SYNJ1: variants seen among roughly 807,000 people sequenced by gnomAD.
The protein encoded by SYNJ1 is polyphosphatidylinositol phosphatase SYNJ1.
A neutral mutation model predicts 168.2 loss-of-function variants in SYNJ1; 78 were observed. The observed-to-expected ratio is 0.46, with a 90% confidence interval of 0.39 to 0.56. The LOEUF (loss-of-function observed/expected upper bound fraction) is 0.56. Among genes scored for constraint, SYNJ1 ranks in the 20% least tolerant of loss-of-function variants. The probability of loss-of-function intolerance (pLI) is 0.00; values close to 1 mark genes in which losing one functional copy is unlikely to be tolerated. For synonymous variants in SYNJ1, 539 were observed against 548.6 expected (o/e 0.98, Z 0.24); for missense variants, 1,303 against 1,597.6 (o/e 0.82, Z 3.14).
chr21:32,669,315 A>G (rs1449489230), intron 15 of SYNJ1, among the ~76,000 whole-genome samples: 2 of 152,154 alleles, frequency 1.3e-5, no homozygotes, highest in African/African-American at 4.8e-5. Flanking sequence ...AACCAAGAGC[A>G]TTTGTTTTCA....
rs1482528429 is a variant in SYNJ1 at position 32,694,318 on chromosome 21, A to G, written c.706-7T>C. 3.3e-6 allele frequency: 5 copies of G among 1,528,094 alleles called. No individual in the cohort carries two copies. Among genetic ancestry groups the G allele is most frequent in the African/African-American group, 2.9e-5 (2 of 69,878 alleles). 94.7% of individuals were successfully genotyped at this position (1,528,094 alleles called of 1,614,324 possible). ...AGTCATCTAAGTACACAACCTACAG[A>G]AAAAAAAATAATATGTAAACTATTT... On this transcript the variant is annotated splice_region_variant and splice_polypyrimidine_tract_variant and intron_variant, in intron 5 of 32. Coordinates refer to ENST00000674351, the MANE Select transcript of SYNJ1 (RefSeq NM_203446.3).
chr21:32,643,564 G>T (rs749711544), intron 26 of SYNJ1, 107 bp from the exon 27 acceptor site: 2 of 1,151,002 alleles, frequency 1.7e-6, no homozygotes, highest in African/African-American at 1.6e-5. Flanking sequence ...TTGCAAAAAG[G>T]CTCTTTTATT....
At chr21:32,724,669 T>A (rs2043379232) in intron 2 of SYNJ1, among the ~76,000 whole-genome samples, 1 of 152,244 alleles carries the variant, frequency 6.6e-6, no homozygotes, top group African/African-American at 2.4e-5. Context: ...GTGAAGATTT[T>A]AAGTGAACAC....
rs1042001905 is a variant in SYNJ1 at position 32,670,794 on chromosome 21, A to G, written c.1727-422T>C. 1.1e-5 allele frequency: 11 copies of G among 984,992 alleles called. No individual in the cohort carries two copies. In the African/African-American group the frequency reaches 1.7e-4, roughly 16 times the overall value. 61.0% of individuals were successfully genotyped at this position (984,992 alleles called of 1,614,324 possible). A position where few individuals can be genotyped will look rare whatever the true frequency, so the allele number is the denominator to read the frequency against. ...GTAACAGTTGGGAGGAATTTTTCAC[A>G]TTCATATTTGAAAAACATAATCTTG... On this transcript the variant is annotated intron_variant, in intron 14 of 32. Coordinates refer to ENST00000674351, the MANE Select transcript of SYNJ1 (RefSeq NM_203446.3).
At chr21:32,632,417 G>T (rs558022344) in intron 32 of SYNJ1, among the ~76,000 whole-genome samples, 15 of 145,050 alleles carry the variant, frequency 1.0e-4, no homozygotes, top group Admixed American at 2.1e-4. Context: ...ACCAAGTCTT[G>T]TGCTGTCACC....
intron 2 of SYNJ1, among the ~76,000 whole-genome samples, chr21:32,707,721 T>C (rs1601496901): frequency 6.6e-6 from 1 of 152,298 alleles, no homozygotes; most frequent in East Asian, 1.9e-4. Context: ...GTTCATCTAA[T>C]AGACAAAAAC....
At chr21:32,645,558 G>A in intron 25 of SYNJ1, 88 bp downstream of exon 25, 1 of 1,405,062 alleles carries the variant, frequency 7.1e-7, no homozygotes, top group Non-Finnish European at 9.3e-7. Context: ...GTAAAATCCA[G>A]AAGCTAGAGA....
intron 15 of SYNJ1, among the ~76,000 whole-genome samples, chr21:32,670,060 TA>T (rs113338035): frequency 6.6e-6 from 1 of 152,222 alleles, no homozygotes; most frequent in African/African-American, 2.4e-5. Context: ...ATTCCTAATA[TA>T]ACAAAGATAT....
At chr21:32,661,434 G>A (rs191271498) in intron 18 of SYNJ1, among the ~76,000 whole-genome samples, 67 of 152,292 alleles carry the variant, frequency 4.4e-4, no homozygotes, top group African/African-American at 1.6e-3. Context: ...CTTACTCTGG[G>A]TGGGTGGAGG....
At chr21:32,659,813 C>T (rs2040610619) in intron 18 of SYNJ1, among the ~76,000 whole-genome samples, 1 of 152,194 alleles carries the variant, frequency 6.6e-6, no homozygotes, top group South Asian at 2.1e-4. Flanking sequence ...TTGTCTGAGG[C>T]TCGTCCTGCT....
chr21:32,704,584 T>G (rs2042535665), intron 2 of SYNJ1, among the ~76,000 whole-genome samples: 1 of 152,074 alleles, frequency 6.6e-6, no homozygotes, highest in Non-Finnish European at 1.5e-5. Context: ...GTTCCTGAAG[T>G]CTGACTAGGG....
At chr21:32,662,664 G>A (rs1439240759) in intron 18 of SYNJ1, among the ~76,000 whole-genome samples, 2 of 152,184 alleles carry the variant, frequency 1.3e-5, no homozygotes, top group South Asian at 4.1e-4. Flanking sequence ...AGGAAGGGGT[G>A]TGGCTTTTGA....
At chr21:32,727,068 CA>C in intron 1 of SYNJ1, 151 bp from the exon 2 acceptor site, 1 of 1,034,492 alleles carries the variant, frequency 9.7e-7, no homozygotes, top group Non-Finnish European at 1.4e-6. Flanking sequence ...TGGCTTTTTC[CA>C]AAAGATAAGT....
chr21:32,647,710 A>G (rs1436728535), intron 23 of SYNJ1, among the ~76,000 whole-genome samples: 1 of 152,172 alleles, frequency 6.6e-6, no homozygotes, highest in East Asian at 1.9e-4. Context: ...CGTGCTTGAC[A>G]TAACCCCATC....
At chr21:32,681,389 C>T in intron 11 of SYNJ1, 107 bp downstream of exon 11, 1 of 1,271,128 alleles carries the variant, frequency 7.9e-7, no homozygotes, top group Non-Finnish European at 1.1e-6. Flanking sequence ...TTCTAAGACA[C>T]ATCTATTAAT....
intron 26 of SYNJ1, among the ~76,000 whole-genome samples, chr21:32,644,414 C>G (rs2039977659): frequency 6.6e-6 from 1 of 152,224 alleles, no homozygotes; most frequent in Admixed American, 6.5e-5. Flanking sequence ...CTTAGTAACA[C>G]TGGATTTGTA....
intron 2 of SYNJ1, among the ~76,000 whole-genome samples, chr21:32,723,385 G>A (rs1306565814): frequency 6.6e-6 from 1 of 152,188 alleles, no homozygotes; most frequent in Non-Finnish European, 1.5e-5. Context: ...TTAAAGTAAA[G>A]CCAGGGCAAG....
chr21:32,643,488 T>C (rs535330310), intron 26 of SYNJ1, 31 bp from the exon 27 acceptor site: 2 of 1,606,720 alleles, frequency 1.2e-6, no homozygotes, highest in Non-Finnish European at 1.7e-6. Flanking sequence ...AACTATATAT[T>C]GTTCAGGGCC....
At chr21:32,701,709 T>TA (rs1264310871) in intron 3 of SYNJ1, among the ~76,000 whole-genome samples, 2 of 152,238 alleles carry the variant, frequency 1.3e-5, no homozygotes, top group Admixed American at 1.3e-4. Context: ...TGACAACTGA[T>TA]ACTTATCTCT....
Sources: allele counts gnomAD v4.1 joint callset (sites outside exome capture counted in the v4.1 genomes callset), GRCh38; gene constraint gnomAD v4.1.1; transcripts MANE v1.5; gene names NCBI Gene and HGNC (gene_info 2026-07-23, HGNC 2026-07-21).